The following THSD4 variants were observed in gnomAD, a reference collection of about 807,000 sequenced individuals.
THSD4 encodes the protein thrombospondin type 1 domain containing 4, also known as thrombospondin type-1 domain-containing protein 4.
A neutral mutation model predicts 119.0 loss-of-function variants in THSD4; 69 were observed. The ratio of observed to expected loss-of-function variants is 0.58; its 90% confidence interval spans 0.48 to 0.71. The LOEUF (loss-of-function observed/expected upper bound fraction) is 0.71, where lower values mean the gene tolerates loss of function less well. Among genes scored for constraint, THSD4 ranks in the 30% least tolerant of loss-of-function variants. The pLI, the probability that THSD4 is intolerant of heterozygous loss-of-function variation, is 0.00. For synonymous variants in THSD4, 524 were observed against 540.4 expected, an observed-to-expected ratio of 0.97 and a Z score of 0.42; for missense variants, 1,393 against 1,391.1, an observed-to-expected ratio of 1.00 and a Z score of -0.02.
intron 6 of THSD4, among the ~76,000 whole-genome samples, chr15:71,308,161 A>T (rs1416875553): frequency 6.6e-6 from 1 of 152,220 alleles, no homozygotes; most frequent in Non-Finnish European, 1.5e-5. Context: ...AAACACTCTT[A>T]TCAGGACAGT....
intron 16 of THSD4, among the ~76,000 whole-genome samples, chr15:71,770,492 T>G (rs866679149): frequency 1.3e-5 from 2 of 151,164 alleles, no homozygotes; most frequent in Non-Finnish European, 2.9e-5. Flanking sequence ...CCGTCTCTAC[T>G]AAAAATACAA....
At chr15:71,286,048 G>A (rs1028228596) in intron 6 of THSD4, among the ~76,000 whole-genome samples, 7 of 151,960 alleles carry the variant, frequency 4.6e-5, no homozygotes, top group African/African-American at 1.4e-4. Flanking sequence ...TTTATTTGAT[G>A]TATTTGTTCT....
chr15:71,291,419 G>A lies in THSD4; in HGVS notation c.1015+34704G>A, dbSNP rs148690167. On this transcript the variant is annotated intron_variant, in intron 6 of 17. Transcript: ENST00000261862. ...AAGTTGGAGACCCAGGAGAGTCGAT[G>A]TTGTGTTCCAGTCTGAAAGCCTGAA... Among the ~76,000 whole-genome samples, 29 of 152,304 alleles carry A rather than the reference G, an allele frequency of 1.9e-4. 1 individual carries two copies. Among genetic ancestry groups the A allele is most frequent in the African/African-American group, 6.5e-4 (27 of 41,572 alleles).
rs569746913 is a variant in THSD4 at position 71,402,766 on chromosome 15, G to A, written c.1016-8921G>A. 7.9e-4 allele frequency among the ~76,000 whole-genome samples: 120 copies of A among 152,280 alleles called. 1 individual carries two copies. Among genetic ancestry groups the A allele is most frequent in the African/African-American group, 2.7e-3 (114 of 41,572 alleles). ...TGAGCCAGCTCCTAACTGCTGGGGG[G>A]TGTGACTGACTGGATTGGCAGGTAG... On this transcript the variant is annotated intron_variant, in intron 6 of 17. Coordinates refer to ENST00000261862, the MANE Select transcript of THSD4 (RefSeq NM_024817.3).
At position 71,777,939 on chromosome 15, in the gene THSD4, T is replaced by TGAA. The variant is rs2053943538; in HGVS notation, c.*565_*566insGAA. 6.4e-6 allele frequency: 1 copy of TGAA among 155,306 alleles called. No individual in the cohort carries two copies. The highest frequency in any genetic ancestry group is 2.4e-5 in the African/African-American group (1 of 41,540). The allele number at this position is 155,306 out of a possible 1,614,324, so 9.6% of individuals were successfully genotyped here. A position where few individuals can be genotyped will look rare whatever the true frequency, so the allele number is the denominator to read the frequency against. ...AGATAGCTCACATGAATATTGTGCT[T>TGAA]TATTTAGCAGGTGTACTCACAGATA... On this transcript the variant is annotated 3_prime_UTR_variant, in exon 18 of 18. Transcript: ENST00000261862.
intron 7 of THSD4, among the ~76,000 whole-genome samples, chr15:71,481,978 A>C (rs1314020037): frequency 6.6e-6 from 1 of 152,214 alleles, no homozygotes; most frequent in Non-Finnish European, 1.5e-5. Context: ...TGCCCTTCCC[A>C]AAGTCCAGCA....
intron 7 of THSD4, among the ~76,000 whole-genome samples, chr15:71,613,717 T>G (rs139685639): frequency 1.3e-5 from 2 of 152,296 alleles, no homozygotes; most frequent in African/African-American, 4.8e-5. Context: ...ACACACAGGA[T>G]CATATCTCAT....
At chr15:71,250,474 C>T (rs2044248225) in intron 5 of THSD4, among the ~76,000 whole-genome samples, 1 of 152,124 alleles carries the variant, frequency 6.6e-6, no homozygotes, top group African/African-American at 2.4e-5. Flanking sequence ...GCATGCACTA[C>T]CATGCTCAGC....
At chr15:71,549,423 A>G (rs1163147923) in intron 7 of THSD4, among the ~76,000 whole-genome samples, 12 of 152,144 alleles carry the variant, frequency 7.9e-5, no homozygotes, top group Admixed American at 7.9e-4. Context: ...CTGAGCTCCT[A>G]GGAAATTATA....
chr15:71,442,660 G>GTATGTATGTATA (rs1555414328), intron 7 of THSD4, among the ~76,000 whole-genome samples: 26 of 25,812 alleles, frequency 1.0e-3, no homozygotes, highest in South Asian at 2.4e-3. Flanking sequence ...GTGTGTGTGT[G>GTATGTATGTATA]TATATATATA....
At chr15:71,597,436 T>C (rs905365142) in intron 7 of THSD4, among the ~76,000 whole-genome samples, 1 of 152,226 alleles carries the variant, frequency 6.6e-6, no homozygotes, top group Non-Finnish European at 1.5e-5. Context: ...TGGTAACATA[T>C]ACATGCAGCT....
At chr15:71,165,324 G>GGGT (rs2043285389) in intron 3 of THSD4, 1 of 1,577,016 alleles carries the variant, frequency 6.3e-7, no homozygotes, top group Non-Finnish European at 8.7e-7. Context: ...TGAAGCATCT[G>GGGT]GGTGCTTCTT....
At chr15:71,299,976 A>AAAAAAAAATAT (rs1555462049) in intron 6 of THSD4, among the ~76,000 whole-genome samples, 2 of 48,308 alleles carry the variant, frequency 4.1e-5, no homozygotes, top group African/African-American at 1.5e-4. Flanking sequence ...AAAAAAAAAA[A>AAAAAAAAATAT]ATATATATAT....
chr15:71,335,337 C>A (rs2045476994), intron 6 of THSD4, among the ~76,000 whole-genome samples: 1 of 152,122 alleles, frequency 6.6e-6, no homozygotes, highest in South Asian at 2.1e-4. Flanking sequence ...GAATTTCCTA[C>A]TCTGTTTAGG....
intron 6 of THSD4, among the ~76,000 whole-genome samples, chr15:71,358,916 G>A (rs576580786): frequency 6.6e-6 from 1 of 152,208 alleles, no homozygotes; most frequent in African/African-American, 2.4e-5. Flanking sequence ...AGTGGAAATG[G>A]CAAAAATGAG....
intron 7 of THSD4, among the ~76,000 whole-genome samples, chr15:71,523,771 G>A (rs2048476650): frequency 6.6e-6 from 1 of 152,200 alleles, no homozygotes; most frequent in Non-Finnish European, 1.5e-5. Context: ...AAATTTTGGT[G>A]TGGTCAGTAA....
At chr15:71,739,601 AG>A (rs2141156527) in intron 11 of THSD4, among the ~76,000 whole-genome samples, 1 of 152,306 alleles carries the variant, frequency 6.6e-6, no homozygotes, top group African/African-American at 2.4e-5. Context: ...CTCATTGCAA[AG>A]ATACACCTAT....
intron 1 of THSD4, among the ~76,000 whole-genome samples, chr15:71,105,626 G>A (rs754122434): frequency 2.0e-5 from 3 of 152,180 alleles, no homozygotes; most frequent in Admixed American, 6.5e-5. Context: ...GAAATTCCAA[G>A]GGTTTTAGAT....
intron 7 of THSD4, among the ~76,000 whole-genome samples, chr15:71,415,742 A>G (rs1197401863): frequency 2.0e-5 from 3 of 152,028 alleles, no homozygotes; most frequent in Non-Finnish European, 4.4e-5. Flanking sequence ...CATGAGTTCA[A>G]TTGTTTTAAT....
Sources: gnomAD v4.1 joint callset for allele counts (sites outside exome capture counted in the v4.1 genomes callset) on GRCh38, gnomAD v4.1.1 for gene constraint, MANE v1.5 for transcripts, NCBI Gene and HGNC (gene_info 2026-07-23, HGNC 2026-07-21) for gene names.